The following ICE1 variants were observed in gnomAD, a reference collection of about 807,000 sequenced individuals.
ICE1 encodes interactor of little elongation complex ELL subunit 1, also known as little elongation complex subunit 1.
ICE1 carries 64 observed loss-of-function variants against 192.7 expected under a neutral mutation model. That is an observed-to-expected ratio of 0.33 (90% CI 0.27 to 0.41). The LOEUF is 0.41. Among genes scored for constraint, ICE1 ranks in the 10% least tolerant of loss-of-function variants. The pLI is 1.00. For synonymous variants in ICE1, 1,010 were observed against 984.5 expected, an observed-to-expected ratio of 1.03 and a Z score of -0.49; for missense variants, 2,708 against 2,696.0, an observed-to-expected ratio of 1.00 and a Z score of -0.10.
intron 11 of ICE1, among the ~76,000 whole-genome samples, chr5:5,455,959 T>G (rs1317568043): frequency 6.7e-6 from 1 of 149,238 alleles, no homozygotes; most frequent in Non-Finnish European, 1.5e-5. Context: ...AAAGTTCCTG[T>G]TTTTTTTTTA....
At chr5:5,429,884 A>G (rs554150762) in intron 1 of ICE1, among the ~76,000 whole-genome samples, 2 of 152,348 alleles carry the variant, frequency 1.3e-5, no homozygotes, top group East Asian at 3.9e-4. Flanking sequence ...TGGGAAACAA[A>G]AAGTCTTGAG....
At chr5:5,435,121 C>T (rs1737830125) in intron 1 of ICE1, among the ~76,000 whole-genome samples, 1 of 152,174 alleles carries the variant, frequency 6.6e-6, no homozygotes, top group Non-Finnish European at 1.5e-5. Context: ...AGGACCTAAA[C>T]CTCCCTCAAC....
intron 7 of ICE1, among the ~76,000 whole-genome samples, chr5:5,444,636 C>T (rs1738157681): frequency 6.6e-6 from 1 of 152,158 alleles, no homozygotes; most frequent in African/African-American, 2.4e-5. Flanking sequence ...AGTTGAATCT[C>T]ATAGGGCTTT....
At chr5:5,440,472 TC>T (rs1738010268) in intron 4 of ICE1, among the ~76,000 whole-genome samples, 1 of 152,208 alleles carries the variant, frequency 6.6e-6, no homozygotes, top group Admixed American at 6.5e-5. Flanking sequence ...AAAGTATTCT[TC>T]AGCAAATTAA....
In ICE1 at chr5:5,460,627, A is replaced by G. The variant is rs1038479155; in HGVS notation, c.1293A>G (p.Thr431=). The change falls in exon 13 of 19, where the codon ACA becomes ACG. Residue 431 remains threonine (T), a synonymous_variant. Transcript: ENST00000296564. ...KSHEAIQALN[T]WEVNKVTTSG... is the part of the protein sequence containing the mutation. ...ATGAAGCTATCCAAGCTCTGAATACATGGGAAGTAAATAAAGTGACAACTT... is the reference window on the plus strand; with the variant it reads ...ATGAAGCTATCCAAGCTCTGAATACGTGGGAAGTAAATAAAGTGACAACTT... The G allele has an allele frequency of 2.5e-6, 4 of 1,613,852 alleles. No homozygotes were observed. The highest frequency in any genetic ancestry group is 3.4e-6 in the Non-Finnish European group (4 of 1,179,824).
chr5:5,422,888 C>T lies in ICE1; in HGVS notation c.-28C>T, dbSNP rs1212730390. The T allele has an allele frequency of 5.2e-6, 7 of 1,348,770 alleles. No individual in the cohort carries two copies. Among genetic ancestry groups the T allele is most frequent in the South Asian group, 1.8e-5 (1 of 56,082 alleles). The allele number at this position is 1,348,770 out of a possible 1,614,324, so 83.6% of individuals were successfully genotyped here. ...CGACGCCGCGGGCCCCTGAGGCGTG[C>T]GTGCCCACCGGGCCCGGCGGCGGCA... On this transcript the variant is annotated 5_prime_UTR_variant, in exon 1 of 19. Coordinates refer to ENST00000296564, the MANE Select transcript of ICE1 (RefSeq NM_015325.3).
chr5:5,475,821 T>C (rs1030077603), intron 16 of ICE1, among the ~76,000 whole-genome samples, 152 bp from the exon 17 acceptor site: 4 of 152,238 alleles, frequency 2.6e-5, no homozygotes, highest in Non-Finnish European at 4.4e-5. Flanking sequence ...TTGGAGAAGA[T>C]GTGAGCATCC....
intron 1 of ICE1, 101 bp downstream of exon 1, chr5:5,423,100 C>A (rs1561067580): frequency 3.2e-6 from 2 of 617,260 alleles, no homozygotes; most frequent in East Asian, 3.6e-5. Context: ...TGCCTCAGTG[C>A]GCTGCTCTCC....
intron 11 of ICE1, among the ~76,000 whole-genome samples, chr5:5,455,817 G>A (rs1456195980): frequency 6.6e-6 from 1 of 152,156 alleles, no homozygotes; most frequent in Non-Finnish European, 1.5e-5. Flanking sequence ...AAACCAGGAC[G>A]TTTGGTACAG....
chr5:5,448,419 G>C (rs931705319), intron 10 of ICE1, among the ~76,000 whole-genome samples: 1 of 152,210 alleles, frequency 6.6e-6, no homozygotes, highest in African/African-American at 2.4e-5. Context: ...CTGCGTTACT[G>C]AGCGCCACGT....
rs1346743037 is a variant in ICE1, at chr5:5,464,024, TCAAA to T, written c.4696_4699del (p.Lys1566GlnfsTer2). ...ATCAAAGATTTCAAACAAAGATCAGTCAAACAAACCAGTAAAAACTTCAGCGTCG... is the reference window on the plus strand; with the variant it reads ...ATCAAAGATTTCAAACAAAGATCAGTCAAACCAGTAAAAACTTCAGCGTCG... On this transcript the variant is annotated frameshift_variant, in exon 13 of 19. Coordinates refer to ENST00000296564, the MANE Select transcript of ICE1 (RefSeq NM_015325.3). LOFTEE classifies it high-confidence loss of function. This position sits in a 1 kb window ranked among gnomAD's most constrained non-coding sequence, Gnocchi z 4.0. 10 of 1,613,558 alleles carry T rather than the reference TCAAA, an allele frequency of 6.2e-6. No individual in the cohort carries two copies. The highest frequency in any genetic ancestry group is 7.6e-6 in the Non-Finnish European group (9 of 1,179,828).
In ICE1 at chr5:5,462,873, A is replaced by G. The variant is rs1210885720; in HGVS notation, c.3539A>G (p.Glu1180Gly). ...ACATCAGAGGTTGTGATGTTTCTTGAGAGCTGTCAGTTAGGGGATTATAGT... is the reference window on the plus strand; with the variant it reads ...ACATCAGAGGTTGTGATGTTTCTTGGGAGCTGTCAGTTAGGGGATTATAGT... The part of the protein sequence containing the change: ...LSTSEVVMFL[E>G]SCQLGDYSSG... The change falls in exon 13 of 19, where the codon GAG becomes GGG. Residue 1180 changes from glutamate to glycine, a missense_variant. Transcript: ENST00000296564. The G allele has an allele frequency of 1.9e-6, 3 of 1,609,044 alleles. No individual in the cohort carries two copies. In the South Asian group the frequency reaches 3.3e-5, roughly 18 times the overall value.
At chr5:5,429,510 C>A (rs550793206) in intron 1 of ICE1, among the ~76,000 whole-genome samples, 1 of 152,282 alleles carries the variant, frequency 6.6e-6, no homozygotes, top group East Asian at 1.9e-4. Context: ...CCGAACATCC[C>A]GTCTTCCTTC....
intron 5 of ICE1, among the ~76,000 whole-genome samples, chr5:5,442,666 T>G (rs781700839): frequency 1.3e-5 from 2 of 152,184 alleles, no homozygotes; most frequent in African/African-American, 4.8e-5. Flanking sequence ...GCTGTTGAGA[T>G]TAAAGAAATG....
intron 10 of ICE1, among the ~76,000 whole-genome samples, chr5:5,454,070 G>A (rs1238476885): frequency 6.6e-6 from 1 of 152,152 alleles, no homozygotes; most frequent in Non-Finnish European, 1.5e-5. Flanking sequence ...GTTAATTACA[G>A]CATGGTTAAG....
chr5:5,460,749 G>A lies in ICE1; in HGVS notation c.1415G>A (p.Ser472Asn), dbSNP rs763594145. 2.5e-6 allele frequency: 4 copies of A among 1,613,904 alleles called. No individual in the cohort carries two copies. Among genetic ancestry groups the A allele is most frequent in the Non-Finnish European group, 3.4e-6 (4 of 1,179,902 alleles). ...KHWTTASRSM[S>N]DRKRDILHET... ...TGGACCACAGCATCTCGATCCATGA[G>A]TGATAGAAAAAGAGACATTTTACAT... Residue 472 changes from serine to asparagine, a missense_variant, in exon 13 of 19, where the codon AGT becomes AAT. Coordinates refer to ENST00000296564, the MANE Select transcript of ICE1 (RefSeq NM_015325.3).
chr5:5,469,465 T>C (rs1178535470), intron 15 of ICE1, among the ~76,000 whole-genome samples: 1 of 152,328 alleles, frequency 6.6e-6, no homozygotes, highest in African/African-American at 2.4e-5. Context: ...GTTATTGATA[T>C]GTTAAAGTAA....
At position 5,457,431 on chromosome 5, in the gene ICE1, C is replaced by A. The variant is rs747711438; in HGVS notation, c.791C>A (p.Thr264Lys). The change falls in exon 12 of 19, where the codon ACA (threonine) becomes AAA (lysine). Residue 264 changes from threonine to lysine, a missense_variant. Physicochemically the swap from Thr to Lys is moderately conservative, Grantham distance 78. Transcript: ENST00000296564. The stretch of plus-strand genomic sequence containing the variant: ...CCTCTCAGGACCTCAAATGTGCAGA[C>A]ATGCCTCACAAAACTGTCCATGGAG... ...GSPLRTSNVQ[T>K]CLTKLSMEIK... is the part of the protein sequence containing the mutation. 8 of 1,613,822 alleles carry A rather than the reference C, an allele frequency of 5.0e-6. No individual in the cohort carries two copies. Among genetic ancestry groups the A allele is most frequent in the Middle Eastern group, 1.6e-4 (1 of 6,062 alleles).
chr5:5,424,589 A>G (rs1057096523), intron 1 of ICE1, among the ~76,000 whole-genome samples: 1 of 152,190 alleles, frequency 6.6e-6, no homozygotes, highest in Non-Finnish European at 1.5e-5. Flanking sequence ...GATAAATGAA[A>G]CAAATGAGTT....
Sources: allele counts gnomAD v4.1 joint callset (sites outside exome capture counted in the v4.1 genomes callset), GRCh38; gene constraint gnomAD v4.1.1; non-coding constraint Gnocchi (gnomAD v3.1); transcripts MANE v1.5; gene names NCBI Gene and HGNC (gene_info 2026-07-23, HGNC 2026-07-21).